STXBP5L: variants seen among roughly 807,000 people sequenced by gnomAD.
The protein encoded by STXBP5L is syntaxin binding protein 5L, also known as syntaxin-binding protein 5-like.
Under a neutral mutation model 144.5 loss-of-function variants are expected in STXBP5L, and 65 were observed. That is an observed-to-expected ratio of 0.45 (90% CI 0.37 to 0.55). The LOEUF is 0.55. STXBP5L is among the 20% of genes least tolerant of loss of function. The probability of loss-of-function intolerance (pLI) is 0.00; values close to 1 mark genes in which losing one functional copy is unlikely to be tolerated. For missense variants in STXBP5L, 1,298 were observed against 1,405.5 expected (o/e 0.92, Z 1.22); for synonymous variants, 505 against 469.6 (o/e 1.08, Z -0.97).
rs544764124 is a variant in STXBP5L, at chr3:121,364,996, T to A, written c.2177-13720T>A. Among the ~76,000 whole-genome samples the A allele has an allele frequency of 7.9e-5, 12 of 152,036 alleles. No individual in the cohort carries two copies. In the South Asian group the frequency reaches 1.9e-3, roughly 24 times the overall value. On this transcript the variant is annotated intron_variant, in intron 20 of 26. Coordinates refer to ENST00000471454, the MANE Select transcript of STXBP5L (RefSeq NM_001308330.2). ...TCAGGTGGGTTTTTCCCCTCTTTTTTTGAGTCTCTATCTGAGTCTGCTTGG... is the reference window on the plus strand; with the variant it reads ...TCAGGTGGGTTTTTCCCCTCTTTTTATGAGTCTCTATCTGAGTCTGCTTGG...
At chr3:121,070,362 G>A (rs184409397) in intron 5 of STXBP5L, among the ~76,000 whole-genome samples, 1 of 152,242 alleles carries the variant, frequency 6.6e-6, no homozygotes, top group Non-Finnish European at 1.5e-5. Context: ...TTTGAGGAAT[G>A]TGGAGTTGTG....
chr3:121,160,173 G>T (rs1260407408), intron 9 of STXBP5L, among the ~76,000 whole-genome samples: 2 of 152,124 alleles, frequency 1.3e-5, no homozygotes, highest in Non-Finnish European at 2.9e-5. Flanking sequence ...ACTGATACTT[G>T]TCTAGTGCTA....
In STXBP5L at chr3:121,410,763, G is replaced by A. The variant is rs531816941; in HGVS notation, c.2949-2395G>A. Among the ~76,000 whole-genome samples the A allele has an allele frequency of 6.6e-5, 10 of 152,114 alleles. No individual in the cohort carries two copies. The South Asian group carries it at 1.5e-3, about 22-fold the overall frequency. On this transcript the variant is annotated intron_variant, in intron 23 of 26. Transcript: ENST00000471454. ...TTGTGAGATCCACCTTTAGTTACCC[G>A]ACACTATTTCTTTATTAAAGTGTCC...
intron 6 of STXBP5L, among the ~76,000 whole-genome samples, chr3:121,118,597 G>T (rs777260178): frequency 2.0e-5 from 3 of 151,512 alleles, no homozygotes; most frequent in Admixed American, 1.3e-4. Context: ...AGATTTTGAC[G>T]GTTGCAAGCA....
rs2044854519 is a variant in STXBP5L, at chr3:121,129,118, G to GT, written c.669+7415dup. Reference sequence around the variant, plus strand: ...GTTGATAGACGGAGTTTTGGCCCAAGTCTAATCTCACAGTAGATCTAGTGG... The same window carrying GT: ...GTTGATAGACGGAGTTTTGGCCCAAGTTCTAATCTCACAGTAGATCTAGTGG... On this transcript the variant is annotated intron_variant, in intron 7 of 26. Transcript: ENST00000471454. 2.6e-5 allele frequency among the ~76,000 whole-genome samples: 4 copies of GT among 152,166 alleles called. No homozygotes were observed. The South Asian group carries it at 8.3e-4, about 32-fold the overall frequency.
chr3:121,293,436 A>G (rs114602556), intron 19 of STXBP5L, among the ~76,000 whole-genome samples: 1,568 of 146,824 alleles, frequency 0.011, 11 homozygotes, highest in Non-Finnish European at 0.018. Flanking sequence ...ATGTATACGT[A>G]TGTCAAAATG....
intron 5 of STXBP5L, among the ~76,000 whole-genome samples, chr3:121,090,475 A>T (rs1207103845): frequency 6.6e-6 from 1 of 152,184 alleles, no homozygotes; most frequent in Non-Finnish European, 1.5e-5. Flanking sequence ...ATCCATATAG[A>T]TGTAGAAAAT....
rs2047345260 is a variant in STXBP5L at position 121,185,634 on chromosome 3, T to C, written c.878-20289T>C. Among the ~76,000 whole-genome samples the C allele has an allele frequency of 1.3e-5, 2 of 152,320 alleles. 1 individual carries two copies. The highest frequency in any genetic ancestry group is 4.2e-4 in the South Asian group (2 of 4,816). On this transcript the variant is annotated intron_variant, in intron 9 of 26. Transcript: ENST00000471454. ...GATATGTGGTATTATTTCTGAGGGCTCTGTTCTGTTCCATTGGTGTATATC... is the reference window on the plus strand; with the variant it reads ...GATATGTGGTATTATTTCTGAGGGCCCTGTTCTGTTCCATTGGTGTATATC...
chr3:121,171,586 ACT>A (rs2046720203), intron 9 of STXBP5L, among the ~76,000 whole-genome samples: 1 of 152,134 alleles, frequency 6.6e-6, no homozygotes, highest in African/African-American at 2.4e-5. Flanking sequence ...TCATGAGTGA[ACT>A]CTCATTCACA....
At chr3:120,962,092 A>C (rs543385037) in intron 3 of STXBP5L, among the ~76,000 whole-genome samples, 182 of 152,124 alleles carry the variant, frequency 1.2e-3, no homozygotes, top group Middle Eastern at 6.8e-3. Context: ...GTGTCTGTTC[A>C]TATCATTTGC....
chr3:120,994,940 T>C (rs1943220076), intron 3 of STXBP5L, among the ~76,000 whole-genome samples: 1 of 152,126 alleles, frequency 6.6e-6, no homozygotes, highest in South Asian at 2.1e-4. Flanking sequence ...TATTACTGAT[T>C]CAATCTTGTT....
intron 3 of STXBP5L, among the ~76,000 whole-genome samples, chr3:120,988,070 A>AT (rs911013915): frequency 1.1e-3 from 149 of 131,592 alleles, no homozygotes; most frequent in African/African-American, 3.2e-3. Flanking sequence ...AGGTATATTT[A>AT]TTTTTTTTTC....
intron 9 of STXBP5L, among the ~76,000 whole-genome samples, chr3:121,205,315 T>C (rs1379088811): frequency 1.3e-5 from 2 of 152,182 alleles, no homozygotes; most frequent in African/African-American, 4.8e-5. Flanking sequence ...TGGTGGAAGG[T>C]ATCACATGTT....
intron 2 of STXBP5L, among the ~76,000 whole-genome samples, chr3:120,931,127 A>G (rs1443169021): frequency 2.6e-5 from 4 of 151,022 alleles, no homozygotes; most frequent in African/African-American, 7.3e-5. Context: ...AAGGGAGACT[A>G]TATACCATAG....
At chr3:121,341,288 C>T (rs965072324) in intron 20 of STXBP5L, among the ~76,000 whole-genome samples, 2 of 152,070 alleles carry the variant, frequency 1.3e-5, no homozygotes, top group East Asian at 1.9e-4. Context: ...TGCTCGACAT[C>T]CTTGATCTTC....
chr3:121,040,593 C>T (rs1947076692), intron 3 of STXBP5L, among the ~76,000 whole-genome samples: 1 of 152,060 alleles, frequency 6.6e-6, no homozygotes, highest in Non-Finnish European at 1.5e-5. Context: ...CTGCAAATCT[C>T]TAGAGCTCTT....
intron 19 of STXBP5L, among the ~76,000 whole-genome samples, chr3:121,288,654 CTATT>C (rs1193938224): frequency 6.6e-6 from 1 of 152,046 alleles, no homozygotes; most frequent in Non-Finnish European, 1.5e-5. Flanking sequence ...AGAAAGGTGT[CTATT>C]TATGTCTTTT....
At chr3:120,947,747 A>G (rs1185799222) in intron 2 of STXBP5L, among the ~76,000 whole-genome samples, 1 of 151,826 alleles carries the variant, frequency 6.6e-6, no homozygotes, top group East Asian at 1.9e-4. Context: ...TTAGCATAAC[A>G]TTTTCAAGGT....
At chr3:121,136,289 A>C (rs2045253679) in intron 7 of STXBP5L, among the ~76,000 whole-genome samples, 1 of 152,126 alleles carries the variant, frequency 6.6e-6, no homozygotes, top group African/African-American at 2.4e-5. Flanking sequence ...AGTAAAACTC[A>C]ATATCTGGCA....
Sources: allele counts gnomAD v4.1 joint callset (sites outside exome capture counted in the v4.1 genomes callset), GRCh38; gene constraint gnomAD v4.1.1; transcripts MANE v1.5; gene names NCBI Gene and HGNC (gene_info 2026-07-23, HGNC 2026-07-21).